Variants in CSMD1 observed in about 807,000 individuals in gnomAD.
CSMD1 encodes CUB and Sushi multiple domains 1.
A neutral mutation model predicts 417.5 loss-of-function variants in CSMD1; 213 were observed. That is an observed-to-expected ratio of 0.51 (90% CI 0.46 to 0.57). The LOEUF (loss-of-function observed/expected upper bound fraction) is 0.57, where lower values mean the gene tolerates loss of function less well. Ranked by LOEUF, CSMD1 falls within the 20% of genes least tolerant of loss-of-function variation. CSMD1 has a pLI of 0.00. For missense variants in CSMD1, 6,923 were observed against 4,529.7 expected (o/e 1.53, Z -15.17); for synonymous variants, 2,862 against 1,736.8 (o/e 1.65, Z -16.11).
chr8:4,630,486 A>AAAAAAC (rs1802446116), intron 2 of CSMD1, among the ~76,000 whole-genome samples: 1 of 152,196 alleles, frequency 6.6e-6, no homozygotes, highest in Non-Finnish European at 1.5e-5. Context: ...AAAAACAAAC[A>AAAAAAC]AAAAACAAAA....
chr8:3,725,733 C>A (rs1214790860), intron 6 of CSMD1, among the ~76,000 whole-genome samples: 1 of 152,148 alleles, frequency 6.6e-6, no homozygotes, highest in Admixed American at 6.5e-5. Context: ...CACATACCAA[C>A]TGCTGTGTTG....
At chr8:4,076,655 G>C (rs1585261194) in intron 3 of CSMD1, among the ~76,000 whole-genome samples, 1 of 152,104 alleles carries the variant, frequency 6.6e-6, no homozygotes, top group Non-Finnish European at 1.5e-5. Flanking sequence ...TCTCTAACAA[G>C]GCCTTATGCA....
chr8:3,751,879 A>G (rs568676765), intron 6 of CSMD1, among the ~76,000 whole-genome samples: 1 of 152,328 alleles, frequency 6.6e-6, no homozygotes, highest in South Asian at 2.1e-4. Flanking sequence ...GAAAAGATCA[A>G]TTTACATTTT....
intron 2 of CSMD1, among the ~76,000 whole-genome samples, chr8:4,607,647 T>C (rs376763200): frequency 6.6e-6 from 1 of 152,118 alleles, no homozygotes; most frequent in African/African-American, 2.4e-5. Flanking sequence ...GGTGTAAAAA[T>C]GGATGGCACT....
chr8:3,119,433 G>T (rs1585399503), intron 41 of CSMD1, among the ~76,000 whole-genome samples: 1 of 133,930 alleles, frequency 7.5e-6, no homozygotes, highest in South Asian at 2.5e-4. Context: ...TCCCTAAGCT[G>T]ACAACTACTA....
Position 3,406,026 on chromosome 8 carries a change from C to T in CSMD1, c.2266+1G>A. On this transcript the variant is annotated splice_donor_variant, in intron 15 of 69. Transcript: ENST00000635120. LOFTEE classifies it high-confidence loss of function. ...AGAGCGGGGGGTGGCAGGGACTGCACCTTCACAGCGGGGCACGGTGGAGCT... is the reference window on the plus strand; with the variant it reads ...AGAGCGGGGGGTGGCAGGGACTGCATCTTCACAGCGGGGCACGGTGGAGCT... 1 of 1,613,250 alleles carries T rather than the reference C, an allele frequency of 6.2e-7. No individual in the cohort carries two copies. Among genetic ancestry groups the T allele is most frequent in the Non-Finnish European group, 8.5e-7 (1 of 1,179,586 alleles).
At chr8:4,577,628 T>A (rs376889229) in intron 2 of CSMD1, among the ~76,000 whole-genome samples, 2 of 152,178 alleles carry the variant, frequency 1.3e-5, no homozygotes, top group South Asian at 4.1e-4. Flanking sequence ...GTCTTACTCT[T>A]CACACCTCAA....
chr8:4,418,861 G>A (rs1409604043), intron 3 of CSMD1, among the ~76,000 whole-genome samples: 4 of 152,116 alleles, frequency 2.6e-5, no homozygotes, highest in Non-Finnish European at 5.9e-5. Context: ...CACAAATGCG[G>A]TGGCATGAAA....
In CSMD1 at chr8:3,508,486, C is replaced by A. The variant is rs1796928743; in HGVS notation, c.1345-14760G>T. ...CAAACCTGCATGTTGTGCACATGTA[C>A]CCTAGAACTTAAAGTATAATAAAAA... On this transcript the variant is annotated intron_variant, in intron 10 of 69. Coordinates refer to ENST00000635120, the MANE Select transcript of CSMD1 (RefSeq NM_033225.6). Among the ~76,000 whole-genome samples the A allele has an allele frequency of 2.0e-5, 3 of 148,706 alleles. No homozygotes were observed. The South Asian group carries it at 6.5e-4, about 32-fold the overall frequency.
intron 11 of CSMD1, among the ~76,000 whole-genome samples, chr8:3,471,580 C>G (rs1563070963): frequency 7.4e-6 from 1 of 134,880 alleles, no homozygotes; most frequent in East Asian, 2.4e-4. Flanking sequence ...TTCTTCCTCT[C>G]TCCTTCCTTC....
At chr8:4,773,985 C>T (rs756094564) in intron 1 of CSMD1, among the ~76,000 whole-genome samples, 2 of 152,120 alleles carry the variant, frequency 1.3e-5, no homozygotes, top group Non-Finnish European at 2.9e-5. Flanking sequence ...CGCCTCAGGT[C>T]AGGAGTTCAA....
intron 2 of CSMD1, among the ~76,000 whole-genome samples, chr8:4,517,914 G>T (rs1178906409): frequency 6.6e-6 from 1 of 152,170 alleles, no homozygotes; most frequent in African/African-American, 2.4e-5. Flanking sequence ...AACAGTCTAA[G>T]AGTACATATG....
intron 2 of CSMD1, among the ~76,000 whole-genome samples, chr8:4,602,363 T>C (rs186179324): frequency 2.0e-4 from 30 of 152,230 alleles, no homozygotes; most frequent in East Asian, 5.8e-4. Flanking sequence ...AACAGAAGCT[T>C]CTACTGCCAG....
intron 6 of CSMD1, among the ~76,000 whole-genome samples, chr8:3,725,882 G>A (rs1228218171): frequency 1.3e-5 from 2 of 152,162 alleles, no homozygotes; most frequent in African/African-American, 2.4e-5. Context: ...TATTAAACAT[G>A]CCCTTGAAAA....
chr8:4,850,846 A>G (rs1299765575), intron 1 of CSMD1, among the ~76,000 whole-genome samples: 2 of 152,096 alleles, frequency 1.3e-5, no homozygotes, highest in Non-Finnish European at 2.9e-5. Flanking sequence ...GCTGAATTCA[A>G]TAAAGTATGT....
At chr8:4,352,782 G>C (rs9314528) in intron 3 of CSMD1, among the ~76,000 whole-genome samples, 25,554 of 152,170 alleles carry the variant, frequency 0.17, 2,354 homozygotes, top group Middle Eastern at 0.21. Context: ...TCTACTGTTG[G>C]AATGTGGACA....
chr8:4,387,570 CAAAAAAA>C (rs540419006), intron 3 of CSMD1, among the ~76,000 whole-genome samples: 5 of 37,210 alleles, frequency 1.3e-4, no homozygotes, highest in Non-Finnish European at 1.7e-4. Context: ...TCCAAACTGG[CAAAAAAA>C]AAAAAAAAAA....
At chr8:3,118,935 C>T (rs909738052) in intron 41 of CSMD1, among the ~76,000 whole-genome samples, 13 of 134,906 alleles carry the variant, frequency 9.6e-5, no homozygotes, top group African/African-American at 3.2e-4. Flanking sequence ...AATCCCAGCA[C>T]TCTGGGAGGC....
At chr8:4,371,631 T>G (rs1802401904) in intron 3 of CSMD1, among the ~76,000 whole-genome samples, 1 of 152,232 alleles carries the variant, frequency 6.6e-6, no homozygotes, top group African/African-American at 2.4e-5. Context: ...ACTGCACAAA[T>G]TCACTTATTT....
Sources: allele counts gnomAD v4.1 joint callset (sites outside exome capture counted in the v4.1 genomes callset), GRCh38; gene constraint gnomAD v4.1.1; transcripts MANE v1.5; gene names NCBI Gene and HGNC (gene_info 2026-07-23, HGNC 2026-07-21).